Variants in SPHKAP observed in about 807,000 individuals in gnomAD.
The protein encoded by SPHKAP is SPHK1 interactor, AKAP domain containing.
A neutral mutation model predicts 137.5 loss-of-function variants in SPHKAP; 67 were observed. That is an observed-to-expected ratio of 0.49 (90% CI 0.40 to 0.60). SPHKAP has a LOEUF of 0.60. SPHKAP is among the 20% of genes least tolerant of loss of function. The pLI is 0.00. For synonymous variants in SPHKAP, 813 were observed against 785.3 expected, an observed-to-expected ratio of 1.04 and a Z score of -0.59; for missense variants, 2,097 against 2,069.3, an observed-to-expected ratio of 1.01 and a Z score of -0.26.
At chr2:228,141,318 A>C (rs557171410) in intron 1 of SPHKAP, among the ~76,000 whole-genome samples, 5 of 152,276 alleles carry the variant, frequency 3.3e-5, no homozygotes, top group African/African-American at 1.2e-4. Context: ...TTGTCATGAG[A>C]TGGTTGTGGT....
Position 228,181,639 on chromosome 2 carries a change from C to A in SPHKAP, c.-41G>T. The A allele has an allele frequency of 6.2e-7, 1 of 1,614,090 alleles. No individual in the cohort carries two copies. On this transcript the variant is annotated 5_prime_UTR_variant, in exon 1 of 12. Transcript: ENST00000392056. This position sits in a 1 kb window ranked among gnomAD's most constrained non-coding sequence, Gnocchi z 4.3. Reference sequence around the variant, plus strand: ...AGAGAAGAAAGACGGAAAGTGCAGGCGAAGGATAAGTCTGTGGTGCTAGGA... The same window carrying A: ...AGAGAAGAAAGACGGAAAGTGCAGGAGAAGGATAAGTCTGTGGTGCTAGGA...
intron 7 of SPHKAP, among the ~76,000 whole-genome samples, chr2:228,008,642 A>G (rs377620775): frequency 6.6e-6 from 1 of 150,384 alleles, no homozygotes; most frequent in African/African-American, 2.4e-5. Flanking sequence ...TCTGTGATCC[A>G]TTCGTGTTAT....
intron 1 of SPHKAP, among the ~76,000 whole-genome samples, chr2:228,174,496 T>G (rs1209099013): frequency 6.6e-6 from 1 of 152,116 alleles, no homozygotes; most frequent in Non-Finnish European, 1.5e-5. Flanking sequence ...AGAGACCAAG[T>G]TCTGGCTCGG....
intron 3 of SPHKAP, among the ~76,000 whole-genome samples, chr2:228,106,563 C>T (rs553947488): frequency 6.6e-6 from 1 of 152,106 alleles, no homozygotes; most frequent in South Asian, 2.1e-4. Flanking sequence ...TCTATTTTCC[C>T]TCTTTAAATT....
At chr2:228,087,531 T>C (rs1262189312) in intron 3 of SPHKAP, among the ~76,000 whole-genome samples, 2 of 151,456 alleles carry the variant, frequency 1.3e-5, no homozygotes, top group Non-Finnish European at 2.9e-5. Context: ...CTAAAGGAAA[T>C]GGTGCTTAAA....
At chr2:228,164,369 T>G (rs1700360337) in intron 1 of SPHKAP, among the ~76,000 whole-genome samples, 1 of 152,196 alleles carries the variant, frequency 6.6e-6, no homozygotes, top group Non-Finnish European at 1.5e-5. Context: ...TGCCTTGTGA[T>G]CGTGTGAGCC....
chr2:228,063,483 C>T (rs1048901111), intron 3 of SPHKAP, among the ~76,000 whole-genome samples: 4 of 152,126 alleles, frequency 2.6e-5, no homozygotes, highest in Non-Finnish European at 5.9e-5. Flanking sequence ...TATAGAGTGG[C>T]TACATTTTGC....
Position 228,030,290 on chromosome 2 carries a change from C to T in SPHKAP, c.247-2747G>A, listed in dbSNP as rs527518438. On this transcript the variant is annotated intron_variant, in intron 3 of 11. Coordinates refer to ENST00000392056, the MANE Select transcript of SPHKAP (RefSeq NM_001142644.2). ...CAGCACTTTGGGAGGCCAAGGTGGGCGGATCAAGAGGTCAAGAGATTGAGA... is the reference window on the plus strand; with the variant it reads ...CAGCACTTTGGGAGGCCAAGGTGGGTGGATCAAGAGGTCAAGAGATTGAGA... 4.1e-4 allele frequency among the ~76,000 whole-genome samples: 63 copies of T among 151,868 alleles called. No homozygotes were observed. In the South Asian group the frequency reaches 9.4e-3, roughly 23 times the overall value.
chr2:228,181,624 G>A lies in SPHKAP; in HGVS notation c.-26C>T. The A allele has an allele frequency of 6.2e-7, 1 of 1,614,096 alleles. No homozygotes were observed. The highest frequency in any genetic ancestry group is 1.1e-5 in the South Asian group (1 of 91,072). On this transcript the variant is annotated 5_prime_UTR_variant, in exon 1 of 12. Coordinates refer to ENST00000392056, the MANE Select transcript of SPHKAP (RefSeq NM_001142644.2). The surrounding 1 kb of genome is among the most constrained non-coding windows in gnomAD (Gnocchi z 4.3). ...TGTTGGTGGGCGCCCAGAGAAGAAA[G>A]ACGGAAAGTGCAGGCGAAGGATAAG...
At chr2:228,114,670 A>G (rs10182873) in intron 2 of SPHKAP, among the ~76,000 whole-genome samples, 49,518 of 152,056 alleles carry the variant, frequency 0.33, 8,553 homozygotes, top group East Asian at 0.5. Context: ...GAAATGCAGG[A>G]AAATTTAGAC....
At chr2:228,001,487 G>A (rs190039792) in intron 7 of SPHKAP, among the ~76,000 whole-genome samples, 518 of 132,154 alleles carry the variant, frequency 3.9e-3, no homozygotes, top group Non-Finnish European at 6.9e-3. Flanking sequence ...ATATATATAC[G>A]TATATATAAG....
chr2:228,049,778 A>G (rs935642290), intron 3 of SPHKAP, among the ~76,000 whole-genome samples: 12 of 152,194 alleles, frequency 7.9e-5, no homozygotes, highest in African/African-American at 2.9e-4. Context: ...CTTAATTCAC[A>G]TAGGATAATG....
intron 1 of SPHKAP, among the ~76,000 whole-genome samples, chr2:228,136,987 C>T (rs756141920): frequency 1.3e-4 from 20 of 152,140 alleles, no homozygotes; most frequent in Non-Finnish European, 2.6e-4. Flanking sequence ...TCTCTCTTCC[C>T]CCTGCCAAGG....
intron 3 of SPHKAP, among the ~76,000 whole-genome samples, chr2:228,038,591 T>C (rs1695724545): frequency 6.6e-6 from 1 of 152,198 alleles, no homozygotes. Flanking sequence ...ATATGCCAAA[T>C]GACCTAGGAA....
chr2:228,121,750 A>C (rs1193402752), intron 2 of SPHKAP, among the ~76,000 whole-genome samples: 1 of 152,152 alleles, frequency 6.6e-6, no homozygotes, highest in East Asian at 1.9e-4. Context: ...GAATGTTAGC[A>C]TGCAAAGGAG....
intron 1 of SPHKAP, among the ~76,000 whole-genome samples, chr2:228,148,613 T>C (rs1296914047): frequency 6.6e-6 from 1 of 152,102 alleles, no homozygotes; most frequent in African/African-American, 2.4e-5. Flanking sequence ...TGATCACGAC[T>C]TGGCTTTATA....
At chr2:228,143,578 C>G (rs1318966206) in intron 1 of SPHKAP, among the ~76,000 whole-genome samples, 1 of 151,832 alleles carries the variant, frequency 6.6e-6, no homozygotes, top group Admixed American at 6.6e-5. Context: ...TCACTGCAAC[C>G]TCCGCCTCCC....
intron 3 of SPHKAP, among the ~76,000 whole-genome samples, chr2:228,034,684 G>A (rs1695509638): frequency 6.6e-6 from 1 of 152,176 alleles, no homozygotes; most frequent in Non-Finnish European, 1.5e-5. Context: ...TATCCACCAT[G>A]ATCAAGTGGG....
intron 1 of SPHKAP, among the ~76,000 whole-genome samples, chr2:228,139,283 T>C (rs141061523): frequency 0.016 from 2,383 of 152,280 alleles, 28 homozygotes; most frequent in Non-Finnish European, 0.023. Flanking sequence ...TAATGCTTTT[T>C]TATTTAGGCA....
Sources: gnomAD v4.1 joint callset for allele counts (sites outside exome capture counted in the v4.1 genomes callset) on GRCh38, gnomAD v4.1.1 for gene constraint, Gnocchi (gnomAD v3.1) non-coding constraint, MANE v1.5 for transcripts, NCBI Gene and HGNC (gene_info 2026-07-23, HGNC 2026-07-21) for gene names.